G3BP2: variants seen among roughly 807,000 people sequenced by gnomAD.
G3BP2 encodes G3BP stress granule assembly factor 2, also known as ras GTPase-activating protein-binding protein 2.
In G3BP2, 11 loss-of-function variants were observed where a neutral mutation model predicts 56.7. The ratio of observed to expected loss-of-function variants is 0.19; its 90% CI spans 0.12 to 0.32. The LOEUF (loss-of-function observed/expected upper bound fraction) is 0.32, where lower values mean the gene tolerates loss of function less well. Among genes scored for constraint, G3BP2 ranks in the 10% least tolerant of loss-of-function variants. The pLI is 1.00. For missense variants in G3BP2, 340 were observed against 610.9 expected, an observed-to-expected ratio of 0.56 and a Z score of 4.67; for synonymous variants, 165 against 191.6, an observed-to-expected ratio of 0.86 and a Z score of 1.15.
intron 7 of G3BP2, 134 bp from the exon 8 acceptor site, chr4:75,654,215 G>GCA (rs1387274215): frequency 8.9e-5 from 47 of 529,232 alleles, no homozygotes; most frequent in East Asian, 1.2e-4. Flanking sequence ...TAAAAGAAAG[G>GCA]CACACACACA....
intron 3 of G3BP2, among the ~76,000 whole-genome samples, chr4:75,714,249 G>C (rs1457592083): frequency 6.6e-6 from 1 of 152,178 alleles, no homozygotes; most frequent in Non-Finnish European, 1.5e-5. Flanking sequence ...TTAGTAATTA[G>C]ACACTGAAGT....
In G3BP2 at chr4:75,643,849, A is replaced by G. The variant is rs1200237792; in HGVS notation, c.*1581T>C. On this transcript the variant is annotated 3_prime_UTR_variant, in exon 12 of 12. Transcript: ENST00000359707. The stretch of plus-strand genomic sequence containing the variant: ...GAAACTGGTATGTACTGACTGCTCC[A>G]AGCATAAAATTGGATAAGCTTTGCC... The G allele has an allele frequency of 6.6e-6, 1 of 152,632 alleles. No individual in the cohort carries two copies. The highest frequency in any genetic ancestry group is 2.4e-5 in the African/African-American group (1 of 41,456). The allele number at this position is 152,632 out of a possible 1,614,324, so 9.5% of individuals were successfully genotyped here.
chr4:75,702,877 A>T (rs1207249159), intron 3 of G3BP2, among the ~76,000 whole-genome samples: 1 of 152,218 alleles, frequency 6.6e-6, no homozygotes, highest in Non-Finnish European at 1.5e-5. Flanking sequence ...AGACCCTAAA[A>T]GGATAAGAAG....
upstream of G3BP2, among the ~76,000 whole-genome samples, chr4:75,675,333 G>A (rs1272895113): frequency 6.6e-6 from 1 of 152,132 alleles, no homozygotes; most frequent in Non-Finnish European, 1.5e-5. Flanking sequence ...CTAGAGCAGT[G>A]GTTCTCAGAC....
At chr4:75,707,603 CAA>C (rs34253273) in intron 3 of G3BP2, among the ~76,000 whole-genome samples, 15 of 116,782 alleles carry the variant, frequency 1.3e-4, no homozygotes, top group African/African-American at 1.6e-4. Context: ...GAGCGAGACT[CAA>C]AAAAAAAAAA....
At chr4:75,674,096 C>T (rs1192410310), upstream of G3BP2, 1 of 152,182 alleles carries the variant, frequency 6.6e-6, no homozygotes, top group Non-Finnish European at 1.5e-5. Flanking sequence ...GATTACAGTC[C>T]TGTTCTAGCT....
chr4:75,701,643 G>T (rs574023954), intron 3 of G3BP2, among the ~76,000 whole-genome samples: 29 of 152,190 alleles, frequency 1.9e-4, no homozygotes, highest in African/African-American at 6.7e-4. Flanking sequence ...GGTCAGGCTG[G>T]TTTCAAACTC....
At chr4:75,688,322 C>T (rs1028878912) in intron 3 of G3BP2, among the ~76,000 whole-genome samples, 4 of 152,292 alleles carry the variant, frequency 2.6e-5, no homozygotes, top group East Asian at 1.9e-4. Context: ...GGATTACAGG[C>T]GTAAGCCACC....
chr4:75,694,649 A>C, intron 3 of G3BP2: 1 of 351,348 alleles, frequency 2.8e-6, no homozygotes, highest in Non-Finnish European at 4.0e-6. Flanking sequence ...GAGGTGGGAG[A>C]ATCGCTTGAA....
chr4:75,643,938 CT>C lies in G3BP2; in HGVS notation c.*1491del, dbSNP rs1486405759. On this transcript the variant is annotated 3_prime_UTR_variant, in exon 12 of 12. Transcript: ENST00000359707. ...AATAATCCAGCAGCTACAAACTTTGCTCACAGAATTGTTTAAAGATTCATGT... is the reference window on the plus strand; with the variant it reads ...AATAATCCAGCAGCTACAAACTTTGCCACAGAATTGTTTAAAGATTCATGT... 1 of 152,628 alleles carries C rather than the reference CT, an allele frequency of 6.6e-6. No individual in the cohort carries two copies. The highest frequency in any genetic ancestry group is 2.4e-5 in the African/African-American group (1 of 41,448). The allele number at this position is 152,628 out of a possible 1,614,324, so 9.5% of individuals were successfully genotyped here.
chr4:75,716,958 C>G (rs1328508456), intron 3 of G3BP2, among the ~76,000 whole-genome samples: 2 of 152,170 alleles, frequency 1.3e-5, no homozygotes, highest in African/African-American at 4.8e-5. Context: ...TCCCTCTGCC[C>G]ATGGACTCCT....
chr4:75,680,500 AAAGTG>A (rs1734029909), intron 3 of G3BP2, among the ~76,000 whole-genome samples: 1 of 152,182 alleles, frequency 6.6e-6, no homozygotes, highest in South Asian at 2.1e-4. Flanking sequence ...ACTTTCTGGC[AAAGTG>A]TGTATATGTG....
Position 75,648,698 on chromosome 4 carries a change from C to T in G3BP2, c.869G>A (p.Arg290His), listed in dbSNP as rs1731431232. 1.9e-6 allele frequency: 3 copies of T among 1,609,660 alleles called. No homozygotes were observed. The highest frequency in any genetic ancestry group is 1.7e-5 in the Admixed American group (1 of 59,972). ...TTCTCTAGGTCGTTGTTCACGCACA[C>T]GAGGTGGCTGAGATTGAACTTCTGG... ...AKPEVQSQPP[R>H]VREQRPRERP... is the part of the protein sequence containing the mutation. The change falls in exon 9 of 12, where the codon CGT becomes CAT. Residue 290 changes from arginine (R) to histidine (H), a missense_variant. Physicochemically the swap from Arg to His is conservative, Grantham distance 29. Transcript: ENST00000359707.
At chr4:75,697,474 C>T (rs1015655624) in intron 3 of G3BP2, among the ~76,000 whole-genome samples, 9 of 151,606 alleles carry the variant, frequency 5.9e-5, no homozygotes, top group Non-Finnish European at 1.2e-4. Flanking sequence ...ATACACTATT[C>T]GACTTTTTTC....
intron 8 of G3BP2, among the ~76,000 whole-genome samples, chr4:75,650,294 T>C (rs1289123668): frequency 6.6e-6 from 1 of 151,566 alleles, no homozygotes; most frequent in Non-Finnish European, 1.5e-5. Context: ...ATCAGCCGGG[T>C]GTGGTGGCAC....
rs564984474 is a variant in G3BP2 at position 75,712,033 on chromosome 4, T to C, written c.-25+8844A>G. On this transcript the variant is annotated intron_variant, in intron 3 of 3. Transcript: ENST00000499709. The stretch of plus-strand genomic sequence containing the variant: ...CCTTCCATCAAAATACAACTACTGT[T>C]AGCAGATTTTGAATGTCCTCAACAC... Among the ~76,000 whole-genome samples, 4 of 152,336 alleles carry C rather than the reference T, an allele frequency of 2.6e-5. No individual in the cohort carries two copies. In the South Asian group the frequency reaches 8.3e-4, roughly 32 times the overall value.
intron 3 of G3BP2, among the ~76,000 whole-genome samples, chr4:75,698,528 G>A (rs940160979): frequency 1.3e-5 from 2 of 151,936 alleles, no homozygotes; most frequent in African/African-American, 4.8e-5. Context: ...CCCTATCTCC[G>A]CCAACACTAC....
rs1421822369 is a variant in G3BP2 at position 75,643,600 on chromosome 4, A to G, written c.*1830T>C. ...GGAAGACCTCATTCAAAGGGGGAAAAAGGGACAGATTTTACTCATATTGCC... is the reference window on the plus strand; with the variant it reads ...GGAAGACCTCATTCAAAGGGGGAAAGAGGGACAGATTTTACTCATATTGCC... On this transcript the variant is annotated 3_prime_UTR_variant, in exon 12 of 12. Transcript: ENST00000359707. 6.6e-6 allele frequency: 1 copy of G among 152,472 alleles called. No individual in the cohort carries two copies. The allele number at this position is 152,472 out of a possible 1,614,324, so 9.4% of individuals were successfully genotyped here.
chr4:75,693,939 C>CTATA (rs1560416405), intron 3 of G3BP2, among the ~76,000 whole-genome samples: 1 of 151,736 alleles, frequency 6.6e-6, no homozygotes, highest in South Asian at 2.1e-4. Context: ...TGGGGTCTTA[C>CTATA]TATATTGTCT....
Sources: allele counts gnomAD v4.1 joint callset (sites outside exome capture counted in the v4.1 genomes callset), GRCh38; gene constraint gnomAD v4.1.1; transcripts MANE v1.5; gene names NCBI Gene and HGNC (gene_info 2026-07-23, HGNC 2026-07-21).